WWOX: variants seen among roughly 807,000 people sequenced by gnomAD.
WWOX encodes WW domain-containing oxidoreductase.
WWOX carries 69 observed loss-of-function variants against 46.2 expected under a neutral mutation model. The observed-to-expected ratio is 1.49, with a 90% CI of 1.23 to 1.82. The LOEUF (loss-of-function observed/expected upper bound fraction) is 1.82. Ranked by LOEUF, WWOX falls within the 40% of genes most tolerant of loss-of-function variation. The probability of loss-of-function intolerance (pLI) is 0.00; values close to 1 mark genes in which losing one functional copy is unlikely to be tolerated. For synonymous variants in WWOX, 359 were observed against 202.6 expected (o/e 1.77, Z -6.56); for missense variants, 919 against 542.6 (o/e 1.69, Z -6.89).
At chr16:79,005,275 G>C (rs2047169032) in intron 8 of WWOX, among the ~76,000 whole-genome samples, 2 of 152,138 alleles carry the variant, frequency 1.3e-5, no homozygotes, top group African/African-American at 4.8e-5. Context: ...CAAAGTCCAA[G>C]GTTCCTTGAT....
chr16:78,454,001 G>C (rs1229617653), intron 8 of WWOX, among the ~76,000 whole-genome samples: 1 of 152,134 alleles, frequency 6.6e-6, no homozygotes, highest in African/African-American at 2.4e-5. Context: ...TTGTCATTGA[G>C]TTTTTGTGAT....
Position 78,621,592 on chromosome 16 carries a change from CTTTTTTTT to C in WWOX, c.1056+188863_1056+188870del, listed in dbSNP as rs34182797. ...ACCTTTAACCTTGTGTTGTTCTAAT[CTTTTTTTT>C]TTTTTTTTTTTTTTTTTTTTTTGAG... On this transcript the variant is annotated intron_variant, in intron 8 of 8. Coordinates refer to ENST00000566780, the MANE Select transcript of WWOX (RefSeq NM_016373.4). 9.5e-3 allele frequency among the ~76,000 whole-genome samples: 299 copies of C among 31,520 alleles called. 3 individuals are homozygous for C. The highest frequency in any genetic ancestry group is 0.036 in the Middle Eastern group (1 of 28). The allele number at this position is 31,520 out of a possible 152,430, so 20.7% of individuals were successfully genotyped here.
chr16:78,966,398 G>A (rs908680163), intron 8 of WWOX, among the ~76,000 whole-genome samples: 1 of 152,124 alleles, frequency 6.6e-6, no homozygotes, highest in African/African-American at 2.4e-5. Flanking sequence ...GTCTATAGAA[G>A]TTTTGGTTCT....
intron 5 of WWOX, among the ~76,000 whole-genome samples, chr16:78,352,362 G>T (rs140559662): frequency 7.4e-4 from 112 of 152,348 alleles, no homozygotes; most frequent in African/African-American, 2.6e-3. Flanking sequence ...ATAGGTCTCA[G>T]TGGGCTAAAA....
chr16:78,802,285 A>C (rs62038640), intron 8 of WWOX, among the ~76,000 whole-genome samples: 5,259 of 134,208 alleles, frequency 0.039, 112 homozygotes, highest in Admixed American at 0.061. Flanking sequence ...TAAGATATTT[A>C]ACGGGTGTTT....
intron 8 of WWOX, among the ~76,000 whole-genome samples, chr16:79,188,570 A>G (rs2051065834): frequency 1.3e-5 from 2 of 152,170 alleles, no homozygotes; most frequent in South Asian, 4.1e-4. Context: ...TAATTTCCAC[A>G]CTTACGAAGT....
chr16:79,121,957 A>G (rs2049642300), intron 8 of WWOX, among the ~76,000 whole-genome samples: 1 of 152,070 alleles, frequency 6.6e-6, no homozygotes, highest in African/African-American at 2.4e-5. Flanking sequence ...AACCCTACTT[A>G]CGTGCTACGG....
intron 8 of WWOX, among the ~76,000 whole-genome samples, chr16:79,209,811 G>A (rs1320394538): frequency 6.6e-6 from 1 of 152,172 alleles, no homozygotes; most frequent in Non-Finnish European, 1.5e-5. Context: ...TAAACCCCTT[G>A]AAGTTGTTTA....
At chr16:78,552,081 G>A (rs188452321) in intron 8 of WWOX, 1 of 152,304 alleles carries the variant, frequency 6.6e-6, no homozygotes, top group African/African-American at 2.4e-5. Context: ...GCTCCCTCTG[G>A]AAAGAAAATG....
chr16:79,165,266 C>A (rs1418339924), intron 8 of WWOX, among the ~76,000 whole-genome samples: 2 of 152,102 alleles, frequency 1.3e-5, no homozygotes, highest in African/African-American at 4.8e-5. Flanking sequence ...AATGACCTTG[C>A]CATTGCGGAG....
chr16:78,685,841 G>T (rs1413110777), intron 8 of WWOX, among the ~76,000 whole-genome samples: 1 of 151,086 alleles, frequency 6.6e-6, no homozygotes, highest in African/African-American at 2.4e-5. Context: ...GCTGATTATT[G>T]TTGAGGGAAA....
intron 8 of WWOX, among the ~76,000 whole-genome samples, chr16:79,076,640 G>C (rs2048662908): frequency 6.6e-6 from 1 of 152,170 alleles, no homozygotes; most frequent in Admixed American, 6.5e-5. Context: ...CCACAGCTAG[G>C]TAGGCGGTAT....
intron 5 of WWOX, among the ~76,000 whole-genome samples, chr16:78,332,810 C>T (rs1225566930): frequency 6.6e-6 from 1 of 152,006 alleles, no homozygotes; most frequent in South Asian, 2.1e-4. Flanking sequence ...GAAATATTAG[C>T]CCCATTTTGC....
chr16:78,210,866 C>T (rs909614057), intron 5 of WWOX, among the ~76,000 whole-genome samples: 15 of 152,110 alleles, frequency 9.9e-5, no homozygotes, highest in African/African-American at 3.4e-4. Flanking sequence ...TGTTAATTTC[C>T]TTTTGTAGTT....
At position 79,212,178 on chromosome 16, in the gene WWOX, G is replaced by T. The variant is rs2051786471; in HGVS notation, c.*382G>T. The T allele has an allele frequency of 5.4e-6, 8 of 1,481,898 alleles. No homozygotes were observed. The highest frequency in any genetic ancestry group is 4.0e-5 in the South Asian group (3 of 74,112). 91.8% of individuals were successfully genotyped at this position (1,481,898 alleles called of 1,614,324 possible). On this transcript the variant is annotated 3_prime_UTR_variant, in exon 9 of 9. Transcript: ENST00000566780. ...AGCTACCACCACGGCCACCACTGCA[G>T]CCGGGGGCTGGCCTTCTCCTACTTA...
chr16:78,146,899 G>T (rs1174875905), intron 4 of WWOX, among the ~76,000 whole-genome samples: 2 of 152,184 alleles, frequency 1.3e-5, no homozygotes, highest in Non-Finnish European at 2.9e-5. Context: ...AGCTAGCATT[G>T]CCCGTGCCTT....
At chr16:78,656,065 T>A (rs1339312405) in intron 8 of WWOX, among the ~76,000 whole-genome samples, 2 of 152,186 alleles carry the variant, frequency 1.3e-5, no homozygotes, top group Non-Finnish European at 2.9e-5. Context: ...GGGTTATTCT[T>A]CTCTCTTTCT....
chr16:78,169,528 A>G (rs2035082595), intron 5 of WWOX, among the ~76,000 whole-genome samples: 1 of 151,944 alleles, frequency 6.6e-6, no homozygotes, highest in South Asian at 2.1e-4. Context: ...ATCAAAACAT[A>G]CTTCATGAAC....
At chr16:78,946,847 G>A (rs991368737) in intron 8 of WWOX, among the ~76,000 whole-genome samples, 2 of 152,128 alleles carry the variant, frequency 1.3e-5, no homozygotes, top group African/African-American at 4.8e-5. Flanking sequence ...GGGCGTCACG[G>A]TGTAAGAATG....
Sources: gnomAD v4.1 joint callset for allele counts (sites outside exome capture counted in the v4.1 genomes callset) on GRCh38, gnomAD v4.1.1 for gene constraint, MANE v1.5 for transcripts, NCBI Gene and HGNC (gene_info 2026-07-23, HGNC 2026-07-21) for gene names.